The following FMN1 variants were observed in gnomAD, a reference collection of about 807,000 sequenced individuals.
The protein encoded by FMN1 is formin-1.
In FMN1, 110 loss-of-function variants were observed where a neutral mutation model predicts 132.4. The observed-to-expected ratio is 0.83, with a 90% CI of 0.71 to 0.97. FMN1 has a LOEUF of 0.97. Among genes scored for constraint, FMN1 ranks in the 50% least tolerant of loss-of-function variants. FMN1 has a pLI of 0.00. For synonymous variants in FMN1, 722 were observed against 651.7 expected (o/e 1.11, Z -1.64); for missense variants, 1,792 against 1,705.3 (o/e 1.05, Z -0.90).
intron 5 of FMN1, among the ~76,000 whole-genome samples, 173 bp downstream of exon 5, chr15:33,088,626 A>C (rs761971197): frequency 2.0e-5 from 3 of 152,226 alleles, no homozygotes; most frequent in Non-Finnish European, 4.4e-5. Context: ...TCTAGTGTAC[A>C]AATTTCAGAT....
At chr15:32,953,243 G>A (rs72719346) in intron 9 of FMN1, among the ~76,000 whole-genome samples, 2,614 of 152,268 alleles carry the variant, frequency 0.017, 102 homozygotes, top group East Asian at 0.13. Flanking sequence ...CAGGGGCCTC[G>A]CTGACCCATA....
chr15:32,806,467 A>C (rs1165870040), intron 17 of FMN1, among the ~76,000 whole-genome samples: 1 of 152,246 alleles, frequency 6.6e-6, no homozygotes, highest in East Asian at 1.9e-4. Flanking sequence ...GGCAGGTATT[A>C]ATACTACATT....
At chr15:33,120,042 AAG>A (rs1962407790) in intron 4 of FMN1, among the ~76,000 whole-genome samples, 2 of 152,158 alleles carry the variant, frequency 1.3e-5, no homozygotes, top group South Asian at 2.1e-4. Context: ...TGGGGAAACT[AAG>A]AGATTAGCAA....
intron 16 of FMN1, among the ~76,000 whole-genome samples, chr15:32,877,034 C>T (rs1035369771): frequency 7.9e-5 from 12 of 152,156 alleles, no homozygotes; most frequent in Non-Finnish European, 1.5e-4. Context: ...GCCTGTAATC[C>T]CAGCACTTTG....
Position 33,067,693 on chromosome 15 carries a change from G to A in FMN1, c.2044-2619C>T, listed in dbSNP as rs147979593. 9.2e-4 allele frequency: 1,490 copies of A among 1,613,872 alleles called. 13 individuals are homozygous for A. The African/African-American group carries it at 0.017, about 19-fold the overall frequency. On this transcript the variant is annotated intron_variant, in intron 5 of 20. Coordinates refer to ENST00000616417, the MANE Select transcript of FMN1 (RefSeq NM_001277313.2). ...CATCCTGCTGAGATGTGGGATTCAC[G>A]TCTAAACTATGGAATGCTTTCAGCA...
intron 15 of FMN1, among the ~76,000 whole-genome samples, chr15:32,895,630 A>T (rs1009402723): frequency 6.6e-6 from 1 of 152,136 alleles, no homozygotes; most frequent in African/African-American, 2.4e-5. Context: ...GAAAGGTTTG[A>T]TCAATTTACA....
intron 7 of FMN1, among the ~76,000 whole-genome samples, chr15:32,985,964 T>C (rs544874384): frequency 8.5e-4 from 130 of 152,274 alleles, no homozygotes; most frequent in Non-Finnish European, 1.6e-3. Flanking sequence ...TTTTCGTCCA[T>C]GTGCATCCAA....
rs144757437 is a variant in FMN1 at position 32,797,975 on chromosome 15, C to G, written c.4130+829G>C. On this transcript the variant is annotated intron_variant, in intron 19 of 20. Transcript: ENST00000616417. ...ATAATGAAATATATCATTTTCCTTACGCTGAGGAATTTTTTGTCTCCTTCC... is the reference window on the plus strand; with the variant it reads ...ATAATGAAATATATCATTTTCCTTAGGCTGAGGAATTTTTTGTCTCCTTCC... Among the ~76,000 whole-genome samples the G allele has an allele frequency of 3.3e-5, 5 of 152,060 alleles. No homozygotes were observed. The South Asian group carries it at 1.0e-3, about 32-fold the overall frequency.
At position 33,077,386 on chromosome 15, in the gene FMN1, T is replaced by G. The variant is rs183062679; in HGVS notation, c.2043+11413A>C. Among the ~76,000 whole-genome samples, 584 of 148,560 alleles carry G rather than the reference T, an allele frequency of 3.9e-3. 5 individuals carry two copies. The highest frequency in any genetic ancestry group is 0.014 in the African/African-American group (557 of 40,656). On this transcript the variant is annotated intron_variant, in intron 5 of 20. Coordinates refer to ENST00000616417, the MANE Select transcript of FMN1 (RefSeq NM_001277313.2). Reference sequence around the variant, plus strand: ...ATATATATATTTTTTTTATTATACTTTAAGTTCTAGGGAACATGTGCACAA... The same window carrying G: ...ATATATATATTTTTTTTATTATACTGTAAGTTCTAGGGAACATGTGCACAA...
At chr15:33,187,906 G>C (rs1162473917) in intron 2 of FMN1, among the ~76,000 whole-genome samples, 1 of 152,198 alleles carries the variant, frequency 6.6e-6, no homozygotes, top group Non-Finnish European at 1.5e-5. Context: ...TGCAAGGCTT[G>C]AATGAAAATG....
In FMN1 at chr15:33,159,462, G is replaced by A. The variant is rs557085853; in HGVS notation, c.-131-4417C>T. Among the ~76,000 whole-genome samples, 11 of 152,250 alleles carry A rather than the reference G, an allele frequency of 7.2e-5. No individual in the cohort carries two copies. The East Asian group carries it at 2.1e-3, about 29-fold the overall frequency. ...CAAAGGGATAGAGAATGAGATTTAG[G>A]CTAAAGTTAACACATTTAGAAGGAA... On this transcript the variant is annotated intron_variant, in intron 3 of 20. Coordinates refer to ENST00000616417, the MANE Select transcript of FMN1 (RefSeq NM_001277313.2).
chr15:32,846,120 C>T (rs958125561), intron 17 of FMN1, among the ~76,000 whole-genome samples: 6 of 152,162 alleles, frequency 3.9e-5, no homozygotes, highest in South Asian at 2.1e-4. Context: ...TTGTGCCTAT[C>T]GTTAATAAGA....
chr15:33,013,072 C>T, intron 6 of FMN1: 2 of 407,874 alleles, frequency 4.9e-6, no homozygotes, highest in South Asian at 1.9e-5. Context: ...ATTTTAATTA[C>T]TGCCAGGAAA....
intron 7 of FMN1, among the ~76,000 whole-genome samples, chr15:33,002,612 T>C (rs540851550): frequency 6.6e-6 from 1 of 152,332 alleles, no homozygotes; most frequent in South Asian, 2.1e-4. Flanking sequence ...TGAGAGGTCA[T>C]GCATCCTGGT....
At chr15:32,862,406 G>A (rs1042316682) in intron 16 of FMN1, among the ~76,000 whole-genome samples, 28 of 152,194 alleles carry the variant, frequency 1.8e-4, no homozygotes, top group Non-Finnish European at 3.5e-4. Flanking sequence ...ACTACTAAGT[G>A]ATCACTGTGA....
At chr15:33,167,389 C>T (rs1965151624) in intron 3 of FMN1, among the ~76,000 whole-genome samples, 1 of 152,172 alleles carries the variant, frequency 6.6e-6, no homozygotes, top group African/African-American at 2.4e-5. Context: ...CCGTGTGGAA[C>T]TGTGAGTCCA....
chr15:32,816,981 G>A (rs1181104408), intron 17 of FMN1, among the ~76,000 whole-genome samples: 1 of 152,182 alleles, frequency 6.6e-6, no homozygotes, highest in African/African-American at 2.4e-5. Context: ...CATGGTCAGA[G>A]ATTTTAATGG....
In FMN1 at chr15:33,118,606, G is replaced by A. The variant is rs1207423465; in HGVS notation, c.1868-29632C>T. On this transcript the variant is annotated intron_variant, in intron 4 of 20. Coordinates refer to ENST00000616417, the MANE Select transcript of FMN1 (RefSeq NM_001277313.2). ...CAGGAATGAGGGACAGTTCCTGTAG[G>A]AAACAAGAAATCAGAAAATCTCTTC... Among the ~76,000 whole-genome samples the A allele has an allele frequency of 2.6e-5, 4 of 152,186 alleles. No homozygotes were observed. The East Asian group carries it at 5.8e-4, about 22-fold the overall frequency.
intron 17 of FMN1, among the ~76,000 whole-genome samples, chr15:32,842,699 G>A (rs1477202610): frequency 2.0e-5 from 3 of 152,028 alleles, no homozygotes; most frequent in Admixed American, 6.6e-5. Context: ...ATAGTCAAAC[G>A]GCTGACATTT....
Sources: allele counts gnomAD v4.1 joint callset (sites outside exome capture counted in the v4.1 genomes callset), GRCh38; gene constraint gnomAD v4.1.1; transcripts MANE v1.5; gene names NCBI Gene and HGNC (gene_info 2026-07-23, HGNC 2026-07-21).